MARCHF1: variants seen among roughly 807,000 people sequenced by gnomAD.
MARCHF1 encodes E3 ubiquitin-protein ligase MARCHF1.
A neutral mutation model predicts 54.2 loss-of-function variants in MARCHF1; 40 were observed. The observed-to-expected ratio is 0.74, with a 90% confidence interval of 0.57 to 0.96. The LOEUF is 0.96. Ranked by LOEUF, MARCHF1 falls within the 40% of genes least tolerant of loss-of-function variation. MARCHF1 has a pLI of 0.00. For missense variants in MARCHF1, 586 were observed against 656.5 expected, an observed-to-expected ratio of 0.89 and a Z score of 1.17; for synonymous variants, 236 against 236.3, an observed-to-expected ratio of 1.00 and a Z score of 0.01.
chr4:164,070,986 T>A (rs1236852806), intron 2 of MARCHF1, among the ~76,000 whole-genome samples: 1 of 152,204 alleles, frequency 6.6e-6, no homozygotes, highest in Non-Finnish European at 1.5e-5. Flanking sequence ...TTTGTCATTT[T>A]CTCTTGCCGC....
At chr4:163,659,712 A>C (rs1011108097) in intron 5 of MARCHF1, among the ~76,000 whole-genome samples, 6 of 152,066 alleles carry the variant, frequency 3.9e-5, no homozygotes, top group African/African-American at 1.4e-4. Context: ...TACAAGAAAA[A>C]AAAAACCCCA....
chr4:164,236,338 C>A (rs989021072), intron 1 of MARCHF1, among the ~76,000 whole-genome samples: 4 of 152,056 alleles, frequency 2.6e-5, no homozygotes, highest in African/African-American at 2.4e-5. Flanking sequence ...TTAAAATATG[C>A]TGCTGACTGA....
chr4:164,190,971 G>A (rs1461565514), intron 1 of MARCHF1, among the ~76,000 whole-genome samples: 1 of 152,078 alleles, frequency 6.6e-6, no homozygotes, highest in African/African-American at 2.4e-5. Flanking sequence ...TTATTGTTGT[G>A]TGTTTGTTTC....
At chr4:163,801,903 G>T (rs572582011) in intron 4 of MARCHF1, among the ~76,000 whole-genome samples, 1 of 152,070 alleles carries the variant, frequency 6.6e-6, no homozygotes, top group African/African-American at 2.4e-5. Flanking sequence ...CAGTTGGGGT[G>T]TTTATTTTTT....
At chr4:164,224,442 TTC>T (rs1579637440) in intron 1 of MARCHF1, among the ~76,000 whole-genome samples, 2 of 152,044 alleles carry the variant, frequency 1.3e-5, no homozygotes, top group East Asian at 3.9e-4. Context: ...AATTTAAATC[TTC>T]TCTTTTTTAA....
intron 1 of MARCHF1, among the ~76,000 whole-genome samples, chr4:164,276,163 A>C (rs1733875664): frequency 6.6e-6 from 1 of 152,158 alleles, no homozygotes; most frequent in Admixed American, 6.5e-5. Flanking sequence ...TTCCTCCTCC[A>C]AAATGGAATT....
chr4:163,713,462 A>G (rs1745167639), intron 4 of MARCHF1, among the ~76,000 whole-genome samples: 1 of 152,204 alleles, frequency 6.6e-6, no homozygotes, highest in Non-Finnish European at 1.5e-5. Flanking sequence ...ATAATAGTAC[A>G]GTCCTCTCAA....
intron 7 of MARCHF1, among the ~76,000 whole-genome samples, chr4:163,605,369 C>A (rs2110902832): frequency 6.6e-6 from 1 of 152,210 alleles, no homozygotes; most frequent in Non-Finnish European, 1.5e-5. Flanking sequence ...CCATCTCACA[C>A]CAGTTAGAAT....
rs549751578 is a variant in MARCHF1, at chr4:163,992,538, A to G, written c.-247-3829T>C. ...TTGGTAGACATAAGGTGATTAAATC[A>G]TTTCAAGGCGTAGAGATGGTGTGAG... is the stretch of plus-strand genomic sequence containing the variant. On this transcript the variant is annotated intron_variant, in intron 2 of 9. Coordinates refer to ENST00000514618, the MANE Select transcript of MARCHF1 (RefSeq NM_001394959.1). 2.0e-5 allele frequency among the ~76,000 whole-genome samples: 3 copies of G among 152,032 alleles called. No individual in the cohort carries two copies. In the East Asian group the frequency reaches 5.8e-4, roughly 29 times the overall value.
At chr4:163,879,540 A>G (rs1750368940) in intron 3 of MARCHF1, among the ~76,000 whole-genome samples, 1 of 152,220 alleles carries the variant, frequency 6.6e-6, no homozygotes, top group Non-Finnish European at 1.5e-5. Flanking sequence ...CCAAAGGCTT[A>G]TATGTAAAGT....
chr4:163,927,529 A>C (rs1158424539), intron 3 of MARCHF1, among the ~76,000 whole-genome samples: 2 of 151,820 alleles, frequency 1.3e-5, no homozygotes, highest in African/African-American at 4.8e-5. Flanking sequence ...TTTTCAGTGC[A>C]TTGGAGGTTT....
chr4:163,714,726 T>C (rs1221810107), intron 4 of MARCHF1, among the ~76,000 whole-genome samples: 1 of 152,188 alleles, frequency 6.6e-6, no homozygotes, highest in Non-Finnish European at 1.5e-5. Flanking sequence ...TCACCCAGGC[T>C]GAGTGCAGTG....
Position 164,320,785 on chromosome 4 carries a change from T to C in MARCHF1, c.-323+63085A>G, listed in dbSNP as rs75095064. 8.3e-3 allele frequency among the ~76,000 whole-genome samples: 1,234 copies of C among 148,422 alleles called. 17 individuals are homozygous for C. The highest frequency in any genetic ancestry group is 0.028 in the African/African-American group (1,131 of 40,634). ...GTATGGATATGTCCTTAAAATGTGA[T>C]AGAAATGTGTGTGGGGGGAGTGGGG... On this transcript the variant is annotated intron_variant, in intron 1 of 9. Transcript: ENST00000514618.
In MARCHF1 at chr4:163,998,805, G is replaced by A. The variant is rs533543492; in HGVS notation, c.-247-10096C>T. Among the ~76,000 whole-genome samples, 309 of 151,702 alleles carry A rather than the reference G, an allele frequency of 2.0e-3. 1 individual carries two copies. Among genetic ancestry groups the A allele is most frequent in the African/African-American group, 7.3e-3 (302 of 41,474 alleles). The stretch of plus-strand genomic sequence containing the variant: ...GGAATTTTTTCTACTTTTAAAGGCT[G>A]AATCATCATTCCATTGTCTGTATTT... On this transcript the variant is annotated intron_variant, in intron 2 of 9. Coordinates refer to ENST00000514618, the MANE Select transcript of MARCHF1 (RefSeq NM_001394959.1).
chr4:164,056,071 T>C (rs1754482265), intron 2 of MARCHF1, among the ~76,000 whole-genome samples: 1 of 152,196 alleles, frequency 6.6e-6, no homozygotes, highest in Admixed American at 6.5e-5. Context: ...TCCTTTAGCT[T>C]TGGACTGTTA....
intron 4 of MARCHF1, among the ~76,000 whole-genome samples, chr4:163,730,903 C>T (rs187619442): frequency 2.3e-4 from 35 of 152,256 alleles, no homozygotes; most frequent in Admixed American, 2.1e-3. Flanking sequence ...CCCCTATTTT[C>T]ACTAACCATT....
rs1451169238 is a variant in MARCHF1, at chr4:163,733,207, A to ACATACACATG, written c.112-32345_112-32344insCATGTGTATG. 2.1e-3 allele frequency among the ~76,000 whole-genome samples: 41 copies of ACATACACATG among 19,212 alleles called. 2 individuals carry two copies. Among genetic ancestry groups the ACATACACATG allele is most frequent in the South Asian group, 6.2e-3 (2 of 324 alleles). The allele number at this position is 19,212 out of a possible 152,430, so 12.6% of individuals were successfully genotyped here. A position where few individuals can be genotyped will look rare whatever the true frequency, so the allele number is the denominator to read the frequency against. ...TATATATATATATATATATATATATATATATATATATATACACGTGTATAT... is the reference window on the plus strand; with the variant it reads ...TATATATATATATATATATATATATACATACACATGTATATATATATATACACGTGTATAT... On this transcript the variant is annotated intron_variant, in intron 4 of 9. Coordinates refer to ENST00000514618, the MANE Select transcript of MARCHF1 (RefSeq NM_001394959.1).
intron 1 of MARCHF1, among the ~76,000 whole-genome samples, chr4:164,348,699 T>C (rs1345936275): frequency 6.6e-6 from 1 of 152,162 alleles, no homozygotes; most frequent in Non-Finnish European, 1.5e-5. Context: ...GTAAGCATTA[T>C]GGAAAAACAG....
chr4:164,107,976 T>A (rs1260401107), intron 2 of MARCHF1, among the ~76,000 whole-genome samples: 1 of 152,134 alleles, frequency 6.6e-6, no homozygotes, highest in Non-Finnish European at 1.5e-5. Context: ...GTTTTATATT[T>A]CCATTCATCA....
Sources: gnomAD v4.1 joint callset for allele counts (sites outside exome capture counted in the v4.1 genomes callset) on GRCh38, gnomAD v4.1.1 for gene constraint, MANE v1.5 for transcripts, NCBI Gene and HGNC (gene_info 2026-07-23, HGNC 2026-07-21) for gene names.